The following LRP12 variants were observed in gnomAD, a reference collection of about 807,000 sequenced individuals.
LRP12 encodes low-density lipoprotein receptor-related protein 12.
LRP12 carries 14 observed loss-of-function variants against 66.0 expected under a neutral mutation model. The ratio of observed to expected loss-of-function variants is 0.21; its 90% CI spans 0.14 to 0.33. The LOEUF is 0.33. Among genes scored for constraint, LRP12 ranks in the 10% least tolerant of loss-of-function variants. The pLI, the probability that LRP12 is intolerant of heterozygous loss-of-function variation, is 1.00. For synonymous variants in LRP12, 357 were observed against 359.1 expected, an observed-to-expected ratio of 0.99 and a Z score of 0.07; for missense variants, 889 against 1,053.4, an observed-to-expected ratio of 0.84 and a Z score of 2.16.
In LRP12 at chr8:104,490,826, T is replaced by C. The variant is rs1161355627; in HGVS notation, c.2427A>G (p.Pro809=). The change falls in exon 7 of 7, where the codon CCA becomes CCG. Residue 809 remains proline, a synonymous_variant. Coordinates refer to ENST00000276654, the MANE Select transcript of LRP12 (RefSeq NM_013437.5). ...ASDQGQGLRQ[P]YNATNPGVRP... ...TTACTCCAGGATTTGTTGCATTATA[T>C]GGTTGTCTAAGCCCTTGTCCTTGAT... 6 of 1,614,126 alleles carry C rather than the reference T, an allele frequency of 3.7e-6. No individual in the cohort carries two copies. Among genetic ancestry groups the C allele is most frequent in the East Asian group, 2.2e-5 (1 of 44,870 alleles).
At chr8:104,575,968 T>C (rs1422507738) in intron 1 of LRP12, among the ~76,000 whole-genome samples, 1 of 152,044 alleles carries the variant, frequency 6.6e-6, no homozygotes, top group Non-Finnish European at 1.5e-5. Flanking sequence ...AAGAATTTCA[T>C]AATGCAATCA....
chr8:104,527,680 TGTG>T (rs1436039201), intron 2 of LRP12, among the ~76,000 whole-genome samples: 1 of 151,908 alleles, frequency 6.6e-6, no homozygotes, highest in Admixed American at 6.6e-5. Flanking sequence ...TGGGGACTGT[TGTG>T]GGGTAAGGGG....
At chr8:104,527,614 T>C (rs1252645181) in intron 2 of LRP12, among the ~76,000 whole-genome samples, 1 of 151,828 alleles carries the variant, frequency 6.6e-6, no homozygotes, top group African/African-American at 2.4e-5. Context: ...TTCTCACTCA[T>C]AGATGGGAAT....
Position 104,509,085 on chromosome 8 carries a change from G to C in LRP12, c.137-11C>G. The stretch of plus-strand genomic sequence containing the variant: ...GAGTCTCTCCACAAGCTGGAAGATA[G>C]CCAAAGCAATCTTTCCTTATTATTA... On this transcript the variant is annotated splice_polypyrimidine_tract_variant and intron_variant, in intron 2 of 6. Transcript: ENST00000276654. The C allele has an allele frequency of 6.2e-7, 1 of 1,610,148 alleles. No individual in the cohort carries two copies. The highest frequency in any genetic ancestry group is 8.5e-7 in the Non-Finnish European group (1 of 1,178,114).
chr8:104,531,451 C>T (rs75240864), intron 2 of LRP12, among the ~76,000 whole-genome samples: 4,661 of 152,118 alleles, frequency 0.031, 237 homozygotes, highest in African/African-American at 0.11. Context: ...CACAAGTATA[C>T]TGTGTTGCTT....
chr8:104,492,615 A>C (rs908716882), intron 6 of LRP12, among the ~76,000 whole-genome samples: 3 of 152,116 alleles, frequency 2.0e-5, no homozygotes, highest in African/African-American at 7.2e-5. Context: ...ATGTCCTCTT[A>C]TGTTCTGTAT....
intron 1 of LRP12, among the ~76,000 whole-genome samples, chr8:104,583,807 A>C (rs1171912093): frequency 6.6e-6 from 1 of 152,200 alleles, no homozygotes; most frequent in Admixed American, 6.5e-5. Context: ...AGGATTGCCA[A>C]ATAAGACCTA....
At position 104,489,794 on chromosome 8, in the gene LRP12, T is replaced by C. The variant is rs1363939019; in HGVS notation, c.*879A>G. The C allele has an allele frequency of 6.5e-6, 1 of 152,708 alleles. No homozygotes were observed. The allele number at this position is 152,708 out of a possible 1,614,324, so 9.5% of individuals were successfully genotyped here. On this transcript the variant is annotated 3_prime_UTR_variant, in exon 7 of 7. Coordinates refer to ENST00000276654, the MANE Select transcript of LRP12 (RefSeq NM_013437.5). ...GCACTAAGCTCATCTGAGACCTTGA[T>C]ATAATTTTAGTGCAAATCCCTAGGG...
At chr8:104,493,130 C>G (rs894971168) in intron 6 of LRP12, among the ~76,000 whole-genome samples, 4 of 152,068 alleles carry the variant, frequency 2.6e-5, no homozygotes, top group African/African-American at 9.7e-5. Context: ...TTAGGATTGG[C>G]AATCTAACAT....
At chr8:104,564,584 C>T (rs963245092) in intron 1 of LRP12, among the ~76,000 whole-genome samples, 1 of 151,284 alleles carries the variant, frequency 6.6e-6, no homozygotes, top group African/African-American at 2.4e-5. Flanking sequence ...AAGAAAGACA[C>T]AAATCAGCAC....
intron 3 of LRP12, chr8:104,504,247 T>C (rs1014405363): frequency 6.6e-6 from 1 of 152,230 alleles, no homozygotes; most frequent in Non-Finnish European, 1.5e-5. Context: ...TCTTCTCTTT[T>C]TCTTCAGTTT....
chr8:104,576,916 C>T (rs764457354), intron 1 of LRP12, among the ~76,000 whole-genome samples: 19 of 151,930 alleles, frequency 1.3e-4, no homozygotes, highest in Non-Finnish European at 2.6e-4. Flanking sequence ...GAAAAATCTA[C>T]CAAGCAAATG....
Position 104,499,534 on chromosome 8 carries a change from A to G in LRP12, c.273-15T>C. On this transcript the variant is annotated splice_polypyrimidine_tract_variant and intron_variant, in intron 3 of 6. Transcript: ENST00000276654. Reference sequence around the variant, plus strand: ...AATCCTGAAAACTGAAAAAAAAATCAGAAATGTCTATTAAAAAGTCAATTT... The same window carrying G: ...AATCCTGAAAACTGAAAAAAAAATCGGAAATGTCTATTAAAAAGTCAATTT... 1 of 1,564,392 alleles carries G rather than the reference A, an allele frequency of 6.4e-7. No individual in the cohort carries two copies. Among genetic ancestry groups the G allele is most frequent in the Non-Finnish European group, 8.7e-7 (1 of 1,154,178 alleles).
intron 3 of LRP12, 48 bp from the exon 4 acceptor site, chr8:104,499,567 A>C (rs976977928): frequency 8.1e-6 from 11 of 1,356,314 alleles, no homozygotes; most frequent in African/African-American, 1.5e-5. Flanking sequence ...TTTTGGAAAA[A>C]AAAATCGTAT....
At chr8:104,539,364 C>T (rs185756813) in intron 1 of LRP12, among the ~76,000 whole-genome samples, 1 of 152,226 alleles carries the variant, frequency 6.6e-6, no homozygotes, top group African/African-American at 2.4e-5. Flanking sequence ...ATTTAACAGG[C>T]TAGCAAGGAG....
At position 104,567,379 on chromosome 8, in the gene LRP12, G is replaced by A. The variant is rs1812021732; in HGVS notation, c.79+21440C>T. On this transcript the variant is annotated intron_variant, in intron 1 of 6. Coordinates refer to ENST00000276654, the MANE Select transcript of LRP12 (RefSeq NM_013437.5). ...CCCTCATAAACACATCAGATCTCAG[G>A]AGACTTACTCACTATCACGAGAATA... Among the ~76,000 whole-genome samples, 8 of 152,092 alleles carry A rather than the reference G, an allele frequency of 5.3e-5. No individual in the cohort carries two copies. The South Asian group carries it at 1.7e-3, about 32-fold the overall frequency.
intron 2 of LRP12, among the ~76,000 whole-genome samples, chr8:104,515,179 T>A (rs1041932219): frequency 6.6e-6 from 1 of 152,222 alleles, no homozygotes; most frequent in Non-Finnish European, 1.5e-5. Context: ...TTTCTATATT[T>A]TGACTATCCT....
Position 104,497,206 on chromosome 8 carries a change from A to G in LRP12, c.1346T>C (p.Phe449Ser), listed in dbSNP as rs1810743136. Residue 449 changes from phenylalanine to serine, a missense_variant, in exon 5 of 7, where the codon TTT becomes TCT. Physicochemically the swap from Phe to Ser is radical, Grantham distance 155. Around this residue, in one of 3 missense-constraint regions of LRP12, gnomAD observed 800 missense variants for 964.5 expected, o/e 0.83. Coordinates refer to ENST00000276654, the MANE Select transcript of LRP12 (RefSeq NM_013437.5). This position sits in a 1 kb window ranked among gnomAD's most constrained non-coding sequence, Gnocchi z 4.3. The part of the protein sequence containing the change: ...CPNGSDEKNC[F>S]FCQPGNFHCK... Reference sequence around the variant, plus strand: ...ATGGAAATTTCCTGGTTGGCAAAAAAAGCAGTTTTTTTCATCTGAGCCATT... The same window carrying G: ...ATGGAAATTTCCTGGTTGGCAAAAAGAGCAGTTTTTTTCATCTGAGCCATT... The G allele has an allele frequency of 6.2e-7, 1 of 1,611,946 alleles. No individual in the cohort carries two copies. The highest frequency in any genetic ancestry group is 8.5e-7 in the Non-Finnish European group (1 of 1,178,914).
chr8:104,546,942 GTA>G (rs1232817656), intron 1 of LRP12, among the ~76,000 whole-genome samples: 1 of 137,002 alleles, frequency 7.3e-6, no homozygotes, highest in South Asian at 2.3e-4. Context: ...ATTATATTTT[GTA>G]TATAATATAT....
Sources: gnomAD v4.1 joint callset for allele counts (sites outside exome capture counted in the v4.1 genomes callset) on GRCh38, gnomAD v4.1.1 for gene constraint, gnomAD v4.1.1 regional missense constraint, Gnocchi (gnomAD v3.1) non-coding constraint, MANE v1.5 for transcripts, NCBI Gene and HGNC (gene_info 2026-07-23, HGNC 2026-07-21) for gene names.